WDR17: variants seen among roughly 807,000 people sequenced by gnomAD.
The protein encoded by WDR17 is WD repeat-containing protein 17.
In WDR17, 143 loss-of-function variants were observed where a neutral mutation model predicts 161.7. The ratio of observed to expected loss-of-function variants is 0.88; its 90% CI spans 0.77 to 1.02. The LOEUF is 1.02. WDR17 is among the 50% of genes least tolerant of loss of function. The pLI, the probability that WDR17 is intolerant of heterozygous loss-of-function variation, is 0.00. For missense variants in WDR17, 1,469 were observed against 1,520.9 expected, an observed-to-expected ratio of 0.97 and a Z score of 0.57; for synonymous variants, 517 against 515.6, an observed-to-expected ratio of 1.00 and a Z score of -0.04.
At position 176,137,561 on chromosome 4, in the gene WDR17, GC is replaced by G; in HGVS notation, c.1310del (p.Ala437ValfsTer36). The G allele has an allele frequency of 6.2e-7, 1 of 1,600,528 alleles. No individual in the cohort carries two copies. Among genetic ancestry groups the G allele is most frequent in the Non-Finnish European group, 8.5e-7 (1 of 1,171,596 alleles). On this transcript the variant is annotated frameshift_variant, in exon 9 of 29. Transcript: ENST00000508596. LOFTEE classifies it high-confidence loss of function. ...CIAGGTSRNG[A>X]FIWNVQKGKI... ...TGCTGGGGGAACTTCCCGAAATGGT[GC>G]TTTTATTTGGAATGTTCAAAAGGGC...
intron 1 of WDR17, among the ~76,000 whole-genome samples, chr4:176,077,150 T>C (rs1236851020): frequency 7.1e-6 from 1 of 141,734 alleles, no homozygotes; most frequent in Non-Finnish European, 1.5e-5. Context: ...TCACTTTTTC[T>C]CCCAATTTTT....
intron 22 of WDR17, among the ~76,000 whole-genome samples, chr4:176,164,140 T>C (rs1179989270): frequency 6.6e-6 from 1 of 152,216 alleles, no homozygotes; most frequent in African/African-American, 2.4e-5. Flanking sequence ...CTATACTGTT[T>C]ACTCTGTGCC....
At chr4:176,160,872 A>G in intron 19 of WDR17, 39 bp from the exon 20 acceptor site, 5 of 1,492,666 alleles carry the variant, frequency 3.3e-6, no homozygotes, top group Non-Finnish European at 4.5e-6. Context: ...ATTATCAACA[A>G]TTAGCTAAAG....
In WDR17 at chr4:176,101,465, A is replaced by G. The variant is rs541128027; in HGVS notation, c.-6-10110A>G. 2.0e-5 allele frequency among the ~76,000 whole-genome samples: 3 copies of G among 152,336 alleles called. No individual in the cohort carries two copies. The South Asian group carries it at 6.2e-4, about 32-fold the overall frequency. ...TTTGAAGAGACAGATAAAGCATCAG[A>G]ACCAGAGTCAGATACGACAGAAATG... On this transcript the variant is annotated intron_variant, in intron 1 of 28. Transcript: ENST00000508596.
Position 176,125,398 on chromosome 4 carries a change from T to C in WDR17, c.790+43T>C, listed in dbSNP as rs758331362. On this transcript the variant is annotated intron_variant, in intron 5 of 28. Coordinates refer to ENST00000508596, the MANE Select transcript of WDR17 (RefSeq NM_181265.4). Reference sequence around the variant, plus strand: ...ACCCAGAGTTTTAAATACGTGTATATATTCTTTCGTTGAATTTAGGAAATT... The same window carrying C: ...ACCCAGAGTTTTAAATACGTGTATACATTCTTTCGTTGAATTTAGGAAATT... 4 of 1,574,730 alleles carry C rather than the reference T, an allele frequency of 2.5e-6. No individual in the cohort carries two copies. The South Asian group carries it at 4.7e-5, about 19-fold the overall frequency.
At chr4:176,085,663 G>T (rs1579007786) in intron 1 of WDR17, among the ~76,000 whole-genome samples, 1 of 151,872 alleles carries the variant, frequency 6.6e-6, no homozygotes, top group Non-Finnish European at 1.5e-5. Flanking sequence ...TCCTGATAAG[G>T]ATCTGATATG....
chr4:176,096,693 C>A, intron 1 of WDR17: 1 of 849,140 alleles, frequency 1.2e-6, no homozygotes, highest in Non-Finnish European at 1.8e-6. Context: ...TTTCGCATTG[C>A]AAAGTTCTGA....
chr4:176,134,502 G>A (rs1010628149), intron 7 of WDR17, among the ~76,000 whole-genome samples: 1 of 151,502 alleles, frequency 6.6e-6, no homozygotes, highest in Non-Finnish European at 1.5e-5. Flanking sequence ...TGGGTGTTTG[G>A]GATCCAAATC....
chr4:176,139,434 A>G (rs1040683901), intron 9 of WDR17, among the ~76,000 whole-genome samples: 6 of 151,962 alleles, frequency 3.9e-5, no homozygotes, highest in Non-Finnish European at 7.4e-5. Flanking sequence ...TGATTTCTTT[A>G]TAAAATAGAA....
At chr4:176,133,084 C>T (rs1273366660) in intron 7 of WDR17, among the ~76,000 whole-genome samples, 1 of 149,704 alleles carries the variant, frequency 6.7e-6, no homozygotes, top group Non-Finnish European at 1.5e-5. Context: ...TACATTGCAG[C>T]AACTCAAAAG....
At position 176,177,669 on chromosome 4, in the gene WDR17, C is replaced by T; in HGVS notation, c.3732+15C>T. 6.4e-7 allele frequency: 1 copy of T among 1,568,362 alleles called. No individual in the cohort carries two copies. The highest frequency in any genetic ancestry group is 8.6e-7 in the Non-Finnish European group (1 of 1,165,506). ...TAAAAATCCAGGTAAAGCCTAACAT[C>T]AGACATAACATGTGTATTTCACCAT... On this transcript the variant is annotated intron_variant, in intron 28 of 28. Transcript: ENST00000508596.
At chr4:176,155,545 G>GTTTTTTTTTTTTTTTTTTTTTT (rs869207103) in intron 17 of WDR17, among the ~76,000 whole-genome samples, 2 of 105,248 alleles carry the variant, frequency 1.9e-5, no homozygotes, top group Non-Finnish European at 3.8e-5. Flanking sequence ...ATTTGTTTGT[G>GTTTTTTTTTTTTTTTTTTTTTT]TTTTTTTTTT....
intron 28 of WDR17, among the ~76,000 whole-genome samples, 180 bp downstream of exon 28, chr4:176,177,834 T>C (rs1751669609): frequency 6.6e-6 from 1 of 151,536 alleles, no homozygotes; most frequent in Admixed American, 6.6e-5. Context: ...CTGCCTAAAA[T>C]AAATTCAAAT....
At position 176,177,134 on chromosome 4, in the gene WDR17, G is replaced by A. The variant is rs17625943; in HGVS notation, c.3526G>A (p.Ala1176Thr). 0.25 allele frequency: 406,018 copies of A among 1,611,714 alleles called. 53,058 individuals carry two copies. The highest frequency in any genetic ancestry group is 0.43 in the Admixed American group (25,560 of 59,948). ...TTCTGAGGAATTGGATGCATGGAGA[G>A]CTTGCACACAGTCCACCAACAGGTG... ...YLSEELDAWR[A>T]CTQSTNRSLE... The change falls in exon 27 of 29, where the codon GCT becomes ACT. Residue 1176 changes from alanine to threonine, a missense_variant. Coordinates refer to ENST00000508596, the MANE Select transcript of WDR17 (RefSeq NM_181265.4).
chr4:176,136,922 C>T (rs1490474684), intron 8 of WDR17, among the ~76,000 whole-genome samples: 1 of 151,514 alleles, frequency 6.6e-6, no homozygotes, highest in Non-Finnish European at 1.5e-5. Flanking sequence ...CCTCTTCTAT[C>T]ACTGTCTTAC....
Position 176,125,452 on chromosome 4 carries a change from T to C in WDR17, c.790+97T>C, listed in dbSNP as rs73874933. ...CTTTATAGGTTGATTTTGTGTAAAA[T>C]GTATTAATAGCTCAATTATTATTTA... On this transcript the variant is annotated intron_variant, in intron 5 of 28. Transcript: ENST00000508596. The C allele has an allele frequency of 5.3e-3, 7,437 of 1,393,322 alleles. 309 individuals are homozygous for C. In the African/African-American group the frequency reaches 0.091, roughly 17 times the overall value. The allele number at this position is 1,393,322 out of a possible 1,614,324, so 86.3% of individuals were successfully genotyped here. A position where few individuals can be genotyped will look rare whatever the true frequency, so the allele number is the denominator to read the frequency against.
At chr4:176,120,227 A>G (rs1741325206) in intron 4 of WDR17, 130 bp downstream of exon 4, 5 of 593,132 alleles carry the variant, frequency 8.4e-6, no homozygotes, top group Admixed American at 3.5e-5. Context: ...TTTAATTTTG[A>G]TATTATTATT....
At chr4:176,118,026 T>C (rs778988568) in intron 3 of WDR17, among the ~76,000 whole-genome samples, 1 of 152,168 alleles carries the variant, frequency 6.6e-6, no homozygotes, top group African/African-American at 2.4e-5. Context: ...CTTCCTTTTG[T>C]TTCTAATAAT....
chr4:176,094,884 G>A (rs995613674), intron 1 of WDR17, among the ~76,000 whole-genome samples: 2 of 152,096 alleles, frequency 1.3e-5, no homozygotes, highest in Non-Finnish European at 2.9e-5. Flanking sequence ...ATTTGGGGTG[G>A]TAGAAAGGAA....
Sources: gnomAD v4.1 joint callset for allele counts (sites outside exome capture counted in the v4.1 genomes callset) on GRCh38, gnomAD v4.1.1 for gene constraint, MANE v1.5 for transcripts, NCBI Gene and HGNC (gene_info 2026-07-23, HGNC 2026-07-21) for gene names.